NEURL3: variants seen among roughly 807,000 people sequenced by gnomAD.
NEURL3 encodes E3 ubiquitin-protein ligase NEURL3.
A neutral mutation model predicts 17.6 loss-of-function variants in NEURL3; 19 were observed. The ratio of observed to expected loss-of-function variants is 1.08; its 90% confidence interval spans 0.75 to 1.58. NEURL3 has a LOEUF of 1.58. Ranked by LOEUF, NEURL3 falls within the 40% of genes most tolerant of loss-of-function variation. NEURL3 has a pLI of 0.00. For synonymous variants in NEURL3, 180 were observed against 161.4 expected, an observed-to-expected ratio of 1.11 and a Z score of -0.87; for missense variants, 342 against 379.6, an observed-to-expected ratio of 0.90 and a Z score of 0.82.
rs567051706 is a variant in NEURL3, at chr2:96,502,132, G to T, written c.29-1208C>A. 3.9e-4 allele frequency among the ~76,000 whole-genome samples: 59 copies of T among 152,258 alleles called. 2 individuals are homozygous for T. In the South Asian group the frequency reaches 0.012, roughly 30 times the overall value. On this transcript the variant is annotated intron_variant, in intron 1 of 3. Transcript: ENST00000451794. ...CCAGCATTAAAGACCAGTGCTCACC[G>T]TGGCCTTGGGACTCTCACAGAGCCC... is the stretch of plus-strand genomic sequence containing the variant.
At chr2:96,501,205 GT>G (rs963858026) in intron 1 of NEURL3, among the ~76,000 whole-genome samples, 1 of 152,120 alleles carries the variant, frequency 6.6e-6, no homozygotes, top group African/African-American at 2.4e-5. Flanking sequence ...GTTATACACG[GT>G]TTTTTTGTTT....
Position 96,500,448 on chromosome 2 carries a change from C to T in NEURL3, c.505G>A (p.Glu169Lys). The T allele has an allele frequency of 6.3e-7, 1 of 1,597,324 alleles. No homozygotes were observed. The highest frequency in any genetic ancestry group is 8.5e-7 in the Non-Finnish European group (1 of 1,179,230). ...CCCATGGTCGCCTCACCCAGCAGCT[C>T]GATGGCCTTAGTGGTCCCATACACG... ...MDVYGTTKAI[E>K]LLDPTASRLP... The change falls in exon 2 of 4, where the codon GAG becomes AAG. Residue 169 changes from glutamate to lysine, a missense_variant. Physicochemically the swap from Glu to Lys is moderately conservative, Grantham distance 56. Coordinates refer to ENST00000451794, the MANE Select transcript of NEURL3 (RefSeq NM_001285485.2).
intron 1 of NEURL3, among the ~76,000 whole-genome samples, chr2:96,502,830 A>G (rs1162401052): frequency 6.6e-6 from 1 of 152,240 alleles, no homozygotes; most frequent in Non-Finnish European, 1.5e-5. Context: ...AGAGGCAGAC[A>G]GTGGGCAAGT....
At chr2:96,507,882 G>A (rs946832744), upstream of NEURL3, 2 of 152,292 alleles carry the variant, frequency 1.3e-5, no homozygotes, top group East Asian at 3.9e-4. Flanking sequence ...GCACACGACA[G>A]TTACGCAGCT....
Position 96,503,740 on chromosome 2 carries a change from C to T in NEURL3, c.28+1519G>A, listed in dbSNP as rs776235632. ...CCACCTCCACTCCACCTGCCTCCTCCCACGAGGCCTGCAGGGGTCCTCCCA... is the reference window on the plus strand; with the variant it reads ...CCACCTCCACTCCACCTGCCTCCTCTCACGAGGCCTGCAGGGGTCCTCCCA... On this transcript the variant is annotated intron_variant, in intron 1 of 3. Coordinates refer to ENST00000451794, the MANE Select transcript of NEURL3 (RefSeq NM_001285485.2). Among the ~76,000 whole-genome samples, 5 of 152,182 alleles carry T rather than the reference C, an allele frequency of 3.3e-5. 1 individual carries two copies. In the South Asian group the frequency reaches 6.2e-4, roughly 19 times the overall value.
upstream of NEURL3, among the ~76,000 whole-genome samples, chr2:96,507,093 G>A (rs927739389): frequency 4.6e-5 from 7 of 152,090 alleles, no homozygotes; most frequent in African/African-American, 1.4e-4. Flanking sequence ...CCCTTTGCCC[G>A]AATCCCCTGA....
At chr2:96,499,495 GC>G (rs755041441) in intron 2 of NEURL3, 46 bp from the exon 3 acceptor site, 23 of 1,556,016 alleles carry the variant, frequency 1.5e-5, no homozygotes, top group Middle Eastern at 1.8e-4. Context: ...AAGCCCAGGT[GC>G]CCCCCCATCC....
rs746679646 is a variant in NEURL3, at chr2:96,500,554, G to T, written c.399C>A (p.Leu133=). ...VRFWVDRRGC[L]FAKVNAGCRL... Reference sequence around the variant, plus strand: ...GGCAGCCGGCGTTGACCTTGGCGAAGAGGCAGCCGCGGCGGTCCACCCAGA... The same window carrying T: ...GGCAGCCGGCGTTGACCTTGGCGAATAGGCAGCCGCGGCGGTCCACCCAGA... Residue 133 remains leucine (L), a synonymous_variant, in exon 2 of 4, where the codon CTC becomes CTA. Coordinates refer to ENST00000451794, the MANE Select transcript of NEURL3 (RefSeq NM_001285485.2). 6.4e-7 allele frequency: 1 copy of T among 1,561,142 alleles called. No homozygotes were observed.
At chr2:96,502,814 A>C (rs1033609618) in intron 1 of NEURL3, among the ~76,000 whole-genome samples, 5 of 152,232 alleles carry the variant, frequency 3.3e-5, no homozygotes, top group African/African-American at 1.2e-4. Flanking sequence ...TCCTGCTGCC[A>C]TCCTAAGAGG....
rs545347234 is a variant in NEURL3 at position 96,505,312 on chromosome 2, C to T, written c.-26G>A. On this transcript the variant is annotated 5_prime_UTR_variant, in exon 1 of 4. Coordinates refer to ENST00000451794, the MANE Select transcript of NEURL3 (RefSeq NM_001285485.2). ...CAGTCTAAGGTCCTCGGGCACAGGTCCCCAGGTCTAGAAGGAACTGCCTGG... is the reference window on the plus strand; with the variant it reads ...CAGTCTAAGGTCCTCGGGCACAGGTTCCCAGGTCTAGAAGGAACTGCCTGG... 2 of 1,598,972 alleles carry T rather than the reference C, an allele frequency of 1.3e-6. No homozygotes were observed. The highest frequency in any genetic ancestry group is 3.3e-5 in the Admixed American group (2 of 60,012).
At chr2:96,500,307 C>T in intron 2 of NEURL3, 132 bp downstream of exon 2, 1 of 1,358,870 alleles carries the variant, frequency 7.4e-7, no homozygotes, top group Non-Finnish European at 1.0e-6. Context: ...CCCATCTTCA[C>T]AGCTAACACT....
intron 3 of NEURL3, 123 bp downstream of exon 3, chr2:96,499,255 C>T (rs1309128766): frequency 8.9e-6 from 13 of 1,464,514 alleles, no homozygotes; most frequent in African/African-American, 4.2e-5. Context: ...TAGGCAGAGC[C>T]AAATCTTTTG....
chr2:96,500,851 A>T lies in NEURL3; in HGVS notation c.102T>A (p.Arg34=). 2.6e-6 allele frequency: 4 copies of T among 1,533,680 alleles called. No homozygotes were observed. The highest frequency in any genetic ancestry group is 3.5e-6 in the Non-Finnish European group (4 of 1,146,564). ...TGGTGCGCCTGTGCGCGATGCAGCC[A>T]CGCGTGTCCAGACGCACCTGTGCGC... is the stretch of plus-strand genomic sequence containing the variant. ...AKGAQVRLDT[R]GCIAHRRTTF... Residue 34 remains arginine (R), a synonymous_variant, in exon 2 of 4, where the codon CGT becomes CGA. Coordinates refer to ENST00000451794, the MANE Select transcript of NEURL3 (RefSeq NM_001285485.2).
chr2:96,504,877 C>CAAAAAAAAAAA (rs1157285400), intron 1 of NEURL3, among the ~76,000 whole-genome samples: 14 of 55,282 alleles, frequency 2.5e-4, no homozygotes, highest in East Asian at 7.8e-4. Context: ...GACTCCGTCT[C>CAAAAAAAAAAA]AAAAAAAAAA....
intron 1 of NEURL3, 140 bp downstream of exon 1, chr2:96,505,118 AC>A: frequency 1.1e-6 from 1 of 916,050 alleles, no homozygotes; most frequent in Non-Finnish European, 1.6e-6. Flanking sequence ...CCATAGCTCA[AC>A]TTGGCAGAAC....
rs1244334720 is a variant in NEURL3 at position 96,500,918 on chromosome 2, T to G, written c.35A>C (p.Lys12Thr). The change falls in exon 2 of 4, where the codon AAG (lysine) becomes ACG (threonine). Residue 12 changes from lysine to threonine, a missense_variant. Coordinates refer to ENST00000451794, the MANE Select transcript of NEURL3 (RefSeq NM_001285485.2). ...GAAGCGAAGTGCCTCTCGGGGCGCC[T>G]TGGCGTCTGTGGGTTGAGGATGGGG... ...GAQLCFEANA[K>T]APREALRFHA... 6.4e-7 allele frequency: 1 copy of G among 1,559,992 alleles called. No individual in the cohort carries two copies. The highest frequency in any genetic ancestry group is 1.2e-5 in the South Asian group (1 of 85,882).
rs1405119352 is a variant in NEURL3, at chr2:96,500,731, G to A, written c.222C>T (p.Gly74=). 2.6e-6 allele frequency: 4 copies of A among 1,517,266 alleles called. No individual in the cohort carries two copies. The highest frequency in any genetic ancestry group is 3.5e-6 in the Non-Finnish European group (4 of 1,138,680). 94.0% of individuals were successfully genotyped at this position (1,517,266 alleles called of 1,614,324 possible). ...RVLREESGWC[G]GLRVGFTRLD... ...GGCGCGTGAAGCCCACGCGGAGGCC[G>A]CCGCACCAGCCGCTCTCCTCCCGCA... is the stretch of plus-strand genomic sequence containing the variant. The change falls in exon 2 of 4, where the codon GGC becomes GGT. Residue 74 remains glycine (G), a synonymous_variant. Transcript: ENST00000451794.
At chr2:96,502,719 A>C (rs1217298975) in intron 1 of NEURL3, among the ~76,000 whole-genome samples, 3 of 152,202 alleles carry the variant, frequency 2.0e-5, no homozygotes, top group Admixed American at 6.5e-5. Flanking sequence ...GCTTGGCAAG[A>C]GGCTGGAGCA....
rs376121676 is a variant in NEURL3, at chr2:96,500,443, C to A, written c.510G>T (p.Leu170=). ...GGGTCCCCATGGTCGCCTCACCCAG[C>A]AGCTCGATGGCCTTAGTGGTCCCAT... The part of the protein sequence containing the change: ...DVYGTTKAIE[L]LDPTASRLPT... Residue 170 remains leucine, a synonymous_variant, in exon 2 of 4, where the codon CTG becomes CTT. Transcript: ENST00000451794. The A allele has an allele frequency of 3.8e-6, 6 of 1,597,362 alleles. No homozygotes were observed. The highest frequency in any genetic ancestry group is 1.7e-4 in the Middle Eastern group (1 of 6,058).
Sources: gnomAD v4.1 joint callset for allele counts (sites outside exome capture counted in the v4.1 genomes callset) on GRCh38, gnomAD v4.1.1 for gene constraint, MANE v1.5 for transcripts, NCBI Gene and HGNC (gene_info 2026-07-23, HGNC 2026-07-21) for gene names.